Variants in FCER2 observed in about 807,000 individuals in gnomAD.
The protein encoded by FCER2 is low affinity immunoglobulin epsilon Fc receptor.
In FCER2, 38 loss-of-function variants were observed where a neutral mutation model predicts 49.7. The observed-to-expected ratio is 0.76, with a 90% confidence interval of 0.59 to 1.00. The LOEUF is 1.00. FCER2 is among the 50% of genes least tolerant of loss of function. FCER2 has a pLI of 0.00. For synonymous variants in FCER2, 163 were observed against 164.6 expected (o/e 0.99, Z 0.07); for missense variants, 425 against 419.5 (o/e 1.01, Z -0.11).
At chr19:7,693,034 CAG>C (rs2032923627) in intron 8 of FCER2, among the ~76,000 whole-genome samples, 1 of 152,146 alleles carries the variant, frequency 6.6e-6, no homozygotes, top group Non-Finnish European at 1.5e-5. Flanking sequence ...ACATCATTAA[CAG>C]AGGTACCCAC....
At chr19:7,697,696 C>T in intron 4 of FCER2, 107 bp from the exon 5 acceptor site, 1 of 843,704 alleles carries the variant, frequency 1.2e-6, no homozygotes, top group Non-Finnish European at 2.0e-6. Flanking sequence ...ACAACAGCTG[C>T]TGTTGCTGTT....
intron 4 of FCER2, among the ~76,000 whole-genome samples, chr19:7,698,008 G>A (rs2033062229): frequency 6.6e-6 from 1 of 152,148 alleles, no homozygotes; most frequent in Non-Finnish European, 1.5e-5. Context: ...CTTTACAATG[G>A]TCTGAAACCA....
chr19:7,697,476 C>T (rs1568490238), intron 5 of FCER2, 51 bp downstream of exon 5: 11 of 1,553,468 alleles, frequency 7.1e-6, no homozygotes, highest in Non-Finnish European at 9.7e-6. Flanking sequence ...GGAAGTCATC[C>T]AAGACCCCCT....
Position 7,696,926 on chromosome 19 carries a change from A to G in FCER2, c.380-12T>C, listed in dbSNP as rs2277989. 799,715 of 1,571,020 alleles carry G rather than the reference A, an allele frequency of 0.51. 208,940 individuals are homozygous for G. The highest frequency in any genetic ancestry group is 0.82 in the African/African-American group (60,639 of 74,194). ...CCTCTCGTTCAATTCTTGGGGAGTC[A>G]ACAAGGGGCGGTGCTCAGAGACCAA... On this transcript the variant is annotated splice_polypyrimidine_tract_variant and intron_variant, in intron 7 of 10. Transcript: ENST00000597921.
chr19:7,691,717 A>G (rs2032876742), intron 8 of FCER2, among the ~76,000 whole-genome samples: 1 of 151,954 alleles, frequency 6.6e-6, no homozygotes. Flanking sequence ...AGGCAGCTGA[A>G]TATCAGTCAC....
chr19:7,697,567 C>T lies in FCER2; in HGVS notation c.213G>A (p.Leu71=), dbSNP rs761817576. The T allele has an allele frequency of 6.2e-7, 1 of 1,614,062 alleles. No individual in the cohort carries two copies. Among genetic ancestry groups the T allele is most frequent in the Non-Finnish European group, 8.5e-7 (1 of 1,179,996 alleles). ...ARNVSQVSKN[L]ESHHGDQMAQ... ...CCATCTGGTCACCGTGGTGGCTTTC[C>T]AAGTTCTTGGAAACTTGAGAGACTG... The change falls in exon 5 of 11, where the codon TTG becomes TTA. Residue 71 remains leucine (L), a synonymous_variant. Coordinates refer to ENST00000597921, the MANE Select transcript of FCER2 (RefSeq NM_001220500.2).
chr19:7,699,488 T>TC (rs1455979096), intron 2 of FCER2: 35 of 1,298,180 alleles, frequency 2.7e-5, no homozygotes, highest in Middle Eastern at 2.0e-4. Flanking sequence ...TTTTTTTTTT[T>TC]TTTTCTTTTT....
chr19:7,700,229 C>T (rs2033123950), intron 1 of FCER2: 1 of 162,288 alleles, frequency 6.2e-6, no homozygotes, highest in South Asian at 1.7e-4. Flanking sequence ...CCTGTGTGAC[C>T]TCAGCCAAGG....
intron 3 of FCER2, 130 bp from the exon 4 acceptor site, chr19:7,698,539 A>G: frequency 1.1e-6 from 1 of 902,340 alleles, no homozygotes; most frequent in Non-Finnish European, 1.7e-6. Context: ...TGTGGAGGAC[A>G]GGGATGCTGG....
In FCER2 at chr19:7,698,788, A is replaced by G; in HGVS notation, c.89T>C (p.Val30Ala). 2 of 1,612,488 alleles carry G rather than the reference A, an allele frequency of 1.2e-6. No individual in the cohort carries two copies. The highest frequency in any genetic ancestry group is 2.2e-5 in the South Asian group (2 of 90,860). Residue 30 changes from valine to alanine, a missense_variant, in exon 3 of 11, where the codon GTG becomes GCG. Transcript: ENST00000597921. ...CAGCCCAGCCCACAGAGCGGCGGTC[A>G]CCAGCCCCAGCAGCACGATCTGAGT... ...RGTQIVLLGL[V>A]TAALWAGLLT... is the part of the protein sequence containing the mutation.
chr19:7,698,473 C>T (rs1361291396), intron 3 of FCER2, 64 bp from the exon 4 acceptor site: 2 of 1,301,792 alleles, frequency 1.5e-6, no homozygotes, highest in African/African-American at 1.5e-5. Context: ...CTGCCTGCAC[C>T]CCACCTCCCA....
intron 5 of FCER2, 74 bp downstream of exon 5, chr19:7,697,453 T>A: frequency 6.7e-7 from 1 of 1,499,972 alleles, no homozygotes. Flanking sequence ...TGAGTCTTAA[T>A]GCTCTGGGTC....
Position 7,696,912 on chromosome 19 carries a change from A to T in FCER2, c.382T>A (p.Leu128Met). ...TCTGAAGCTTCGTTCCTCTCGTTCA[A>T]TTCTTGGGGAGTCAACAAGGGGCGG... ...ADLSSFKSQE[L>M]NERNEASDLL... The change falls in exon 8 of 11, where the codon TTG (leucine) becomes ATG (methionine). Residue 128 changes from leucine (L) to methionine (M), a missense_variant and splice_region_variant. Coordinates refer to ENST00000597921, the MANE Select transcript of FCER2 (RefSeq NM_001220500.2). 2.5e-6 allele frequency: 4 copies of T among 1,580,032 alleles called. No individual in the cohort carries two copies. The highest frequency in any genetic ancestry group is 3.4e-6 in the Non-Finnish European group (4 of 1,162,020).
rs2033113553 is a variant in FCER2, at chr19:7,699,755, C to T, written c.6G>A (p.Glu2=). Residue 2 remains glutamate (E), a synonymous_variant, in exon 2 of 11, where the codon GAG becomes GAA. Coordinates refer to ENST00000597921, the MANE Select transcript of FCER2 (RefSeq NM_001220500.2). ...TCCTCCTACCTGAATATTGACCTTC[C>T]TCCATGGCGGTCCTGCTTGGATTCT... The part of the protein sequence containing the change: M[E]EGQYSEIEEL... The T allele has an allele frequency of 6.2e-7, 1 of 1,613,832 alleles. No individual in the cohort carries two copies. Among genetic ancestry groups the T allele is most frequent in the Non-Finnish European group, 8.5e-7 (1 of 1,179,874 alleles).
intron 2 of FCER2, chr19:7,699,238 G>T: frequency 2.1e-6 from 1 of 478,370 alleles, no homozygotes; most frequent in Non-Finnish European, 3.8e-6. Context: ...CTGAGTCCCA[G>T]TTCTTCCCCA....
chr19:7,699,808 C>A lies in FCER2; in HGVS notation c.-48G>T. On this transcript the variant is annotated 5_prime_UTR_variant, in exon 2 of 11. Transcript: ENST00000597921. ...CGATGATGGAGCACTCACTCCCTGACAACGCAGTCCACTCAGCGGGCACAA... is the reference window on the plus strand; with the variant it reads ...CGATGATGGAGCACTCACTCCCTGAAAACGCAGTCCACTCAGCGGGCACAA... 6.3e-7 allele frequency: 1 copy of A among 1,587,510 alleles called. No homozygotes were observed. The highest frequency in any genetic ancestry group is 8.6e-7 in the Non-Finnish European group (1 of 1,156,288).
chr19:7,697,679 C>A, intron 4 of FCER2, 90 bp from the exon 5 acceptor site: 1 of 1,003,998 alleles, frequency 1.0e-6, no homozygotes, highest in Non-Finnish European at 1.6e-6. Context: ...GACCCTCTCA[C>A]ATAGTCACAA....
At chr19:7,698,265 G>T in intron 4 of FCER2, 91 bp downstream of exon 4, 2 of 935,394 alleles carry the variant, frequency 2.1e-6, no homozygotes, top group Non-Finnish European at 3.2e-6. Flanking sequence ...CAGTTCCTTA[G>T]CGAGGGGACA....
At chr19:7,699,185 G>A (rs759846126) in intron 2 of FCER2, among the ~76,000 whole-genome samples, 15 of 151,856 alleles carry the variant, frequency 9.9e-5, no homozygotes, top group South Asian at 2.1e-4. Context: ...TTACACCTCT[G>A]CACCTGTCCC....
Sources: allele counts gnomAD v4.1 joint callset (sites outside exome capture counted in the v4.1 genomes callset), GRCh38; gene constraint gnomAD v4.1.1; transcripts MANE v1.5; gene names NCBI Gene and HGNC (gene_info 2026-07-23, HGNC 2026-07-21).